ABCC5: variants seen among roughly 807,000 people sequenced by gnomAD.
ABCC5 encodes the protein ATP-binding cassette sub-family C member 5.
Under a neutral mutation model 160.9 loss-of-function variants are expected in ABCC5, and 61 were observed. The ratio of observed to expected loss-of-function variants is 0.38; its 90% confidence interval spans 0.31 to 0.47. The LOEUF (loss-of-function observed/expected upper bound fraction) is 0.47, where lower values mean the gene tolerates loss of function less well. Among genes scored for constraint, ABCC5 ranks in the 20% least tolerant of loss-of-function variants. ABCC5 has a pLI of 0.99. For missense variants in ABCC5, 1,308 were observed against 1,813.3 expected (o/e 0.72, Z 5.06); for synonymous variants, 666 against 700.6 (o/e 0.95, Z 0.78).
rs1425365921 is a variant in ABCC5, at chr3:184,001,207, C to T, written c.130-11824G>A. 3 of 526,594 alleles carry T rather than the reference C, an allele frequency of 5.7e-6. 1 individual carries two copies. The South Asian group carries it at 8.9e-5, about 16-fold the overall frequency. The allele number at this position is 526,594 out of a possible 1,614,324, so 32.6% of individuals were successfully genotyped here. A position where few individuals can be genotyped will look rare whatever the true frequency, so the allele number is the denominator to read the frequency against. On this transcript the variant is annotated intron_variant, in intron 2 of 29. Coordinates refer to ENST00000334444, the MANE Select transcript of ABCC5 (RefSeq NM_005688.4). ...GTTTGACGCTGCAGTGAGCCATGGT[C>T]ATGCCACCGCACTACAGTCTGGGTG...
Position 183,951,586 on chromosome 3 carries a change from C to T in ABCC5, c.2815-16G>A. On this transcript the variant is annotated splice_polypyrimidine_tract_variant and intron_variant, in intron 19 of 29. Coordinates refer to ENST00000334444, the MANE Select transcript of ABCC5 (RefSeq NM_005688.4). The surrounding 1 kb of genome is among the most constrained non-coding windows in gnomAD (Gnocchi z 4.7). ...GCAGCGTGCCCTGAGGAGCAGAGCA[C>T]AGAGTGGTCAGGGCCCAGGGACGGC... 6.2e-7 allele frequency: 1 copy of T among 1,613,310 alleles called. No individual in the cohort carries two copies. Among genetic ancestry groups the T allele is most frequent in the Non-Finnish European group, 8.5e-7 (1 of 1,179,728 alleles).
intron 8 of ABCC5, among the ~76,000 whole-genome samples, chr3:183,979,456 G>C (rs560700561): frequency 6.6e-6 from 1 of 152,158 alleles, no homozygotes; most frequent in Admixed American, 6.5e-5. Context: ...AATGACAACC[G>C]GAAGAAGATA....
chr3:184,005,004 C>T (rs1026452484), intron 2 of ABCC5, among the ~76,000 whole-genome samples: 1 of 152,154 alleles, frequency 6.6e-6, no homozygotes, highest in African/African-American at 2.4e-5. Context: ...AGTGTCGTGG[C>T]GTCTCCTGGG....
At chr3:183,981,610 G>A (rs1354052008) in intron 8 of ABCC5, 117 bp downstream of exon 8, 21 of 1,117,020 alleles carry the variant, frequency 1.9e-5, no homozygotes, top group African/African-American at 3.2e-5. Flanking sequence ...TATGTCCTAC[G>A]ATACTAGACA....
At chr3:183,939,535 T>C (rs1273423537) in intron 25 of ABCC5, among the ~76,000 whole-genome samples, 1 of 152,254 alleles carries the variant, frequency 6.6e-6, no homozygotes, top group Non-Finnish European at 1.5e-5. Context: ...TGTGCATGTA[T>C]TCTTGTTCAG....
At position 183,971,920 on chromosome 3, in the gene ABCC5, C is replaced by G; in HGVS notation, c.1405-1G>C. 6.2e-7 allele frequency: 1 copy of G among 1,613,806 alleles called. No individual in the cohort carries two copies. Among genetic ancestry groups the G allele is most frequent in the Non-Finnish European group, 8.5e-7 (1 of 1,180,014 alleles). ...GAACCTCTTCCATTAGAAACAAACT[C>G]TGATAGGAGTTGTGAGAGAGGTGCA... On this transcript the variant is annotated splice_acceptor_variant, in intron 10 of 29. Coordinates refer to ENST00000334444, the MANE Select transcript of ABCC5 (RefSeq NM_005688.4). LOFTEE classifies it high-confidence loss of function.
chr3:183,947,313 C>A lies in ABCC5; in HGVS notation c.3414+11G>T. 6.3e-7 allele frequency: 1 copy of A among 1,579,008 alleles called. No homozygotes were observed. The highest frequency in any genetic ancestry group is 8.6e-7 in the Non-Finnish European group (1 of 1,157,672). ...ACAAGCAAAGATGACGCTCCTATCC[C>A]AGAGACTGACCTGGACAGCATAAGA... On this transcript the variant is annotated intron_variant, in intron 23 of 29. Coordinates refer to ENST00000334444, the MANE Select transcript of ABCC5 (RefSeq NM_005688.4).
chr3:184,003,458 C>T (rs1720916363), intron 2 of ABCC5, among the ~76,000 whole-genome samples: 1 of 152,094 alleles, frequency 6.6e-6, no homozygotes, highest in South Asian at 2.1e-4. Flanking sequence ...CCATTTCAGT[C>T]AAGAGGATCA....
rs199723380 is a variant in ABCC5, at chr3:183,971,606, C to T, written c.1718G>A (p.Arg573His). The T allele has an allele frequency of 1.3e-4, 215 of 1,613,996 alleles. No individual in the cohort carries two copies. The highest frequency in any genetic ancestry group is 1.6e-4 in the Middle Eastern group (1 of 6,074). Residue 573 changes from arginine (R) to histidine (H), a missense_variant, in exon 11 of 30, where the codon CGC becomes CAC. Arg to His is a conservative substitution (Grantham distance 29). Transcript: ENST00000334444. ...GATGCTGTGCAGTGTCCTCTGTAAG[C>T]GCAGGTGGCCCAGGTGGATGTGCTT... Reference protein sequence around the residue: ...EGKHIHLGHLRLQRTLHSIDL... With the variant: ...EGKHIHLGHLHLQRTLHSIDL...
chr3:184,008,727 T>C (rs1721441193), intron 2 of ABCC5, among the ~76,000 whole-genome samples: 1 of 152,250 alleles, frequency 6.6e-6, no homozygotes, highest in Non-Finnish European at 1.5e-5. Context: ...TACTGAGAAA[T>C]GGGCAAACCA....
intron 2 of ABCC5, chr3:184,006,300 G>GAAAAAAAAAAA (rs34764294): frequency 8.7e-6 from 1 of 114,636 alleles, no homozygotes; most frequent in Non-Finnish European, 1.9e-5. Context: ...AGGGAGAGAA[G>GAAAAAAAAAAA]AAAAAAAAAA....
At chr3:183,997,559 C>T (rs1446570294) in intron 2 of ABCC5, among the ~76,000 whole-genome samples, 1 of 152,118 alleles carries the variant, frequency 6.6e-6, no homozygotes, top group African/African-American at 2.4e-5. Context: ...CAGCCCAATG[C>T]TTCTGGTAAG....
intron 14 of ABCC5, 120 bp downstream of exon 14, chr3:183,965,065 A>G (rs1717090640): frequency 1.0e-6 from 1 of 986,298 alleles, no homozygotes; most frequent in African/African-American, 1.6e-5. Flanking sequence ...CAAAGGCCTA[A>G]TGACAGCCTA....
intron 2 of ABCC5, among the ~76,000 whole-genome samples, chr3:184,004,281 C>G (rs918875280): frequency 2.0e-5 from 3 of 150,960 alleles, no homozygotes; most frequent in African/African-American, 7.3e-5. Context: ...GAGGCCCAGG[C>G]AGGTGGATCA....
chr3:183,942,326 G>A (rs1265359623), intron 25 of ABCC5: 3 of 453,402 alleles, frequency 6.6e-6, no homozygotes, highest in African/African-American at 2.0e-5. Context: ...GAGCCACTGC[G>A]CCCAGCCTAC....
intron 12 of ABCC5, chr3:183,967,327 C>G: frequency 4.5e-6 from 1 of 220,288 alleles, no homozygotes; most frequent in South Asian, 7.2e-5. Flanking sequence ...TGCTTCTTTA[C>G]AGGTTAACTC....
chr3:184,010,263 T>C (rs1465274298), intron 2 of ABCC5, among the ~76,000 whole-genome samples: 5 of 73,990 alleles, frequency 6.8e-5, no homozygotes, highest in African/African-American at 2.7e-4. Context: ...GGAGACTTCG[T>C]CTCAAAAAAA....
At chr3:183,953,406 C>G in intron 17 of ABCC5, 136 bp from the exon 18 acceptor site, 1 of 715,126 alleles carries the variant, frequency 1.4e-6, no homozygotes, top group South Asian at 2.5e-5. Flanking sequence ...TTGTCAGAAG[C>G]ATTCATTCAT....
At chr3:183,975,320 G>C (rs1377811478) in intron 10 of ABCC5, among the ~76,000 whole-genome samples, 1 of 152,092 alleles carries the variant, frequency 6.6e-6, no homozygotes, top group East Asian at 1.9e-4. Context: ...TAGAGTTCGG[G>C]AGGAATTAAG....
Sources: allele counts gnomAD v4.1 joint callset (sites outside exome capture counted in the v4.1 genomes callset), GRCh38; gene constraint gnomAD v4.1.1; non-coding constraint Gnocchi (gnomAD v3.1); transcripts MANE v1.5; gene names NCBI Gene and HGNC (gene_info 2026-07-23, HGNC 2026-07-21).